Variants in CLASP1 observed in about 807,000 individuals in gnomAD.
CLASP1 encodes the protein cytoplasmic linker associated protein 1, also known as CLIP-associating protein 1.
CLASP1 carries 38 observed loss-of-function variants against 192.3 expected under a neutral mutation model. The ratio of observed to expected loss-of-function variants is 0.20; its 90% confidence interval spans 0.15 to 0.26. CLASP1 has a LOEUF of 0.26. Among genes scored for constraint, CLASP1 ranks in the 10% least tolerant of loss-of-function variants. The pLI is 1.00. For synonymous variants in CLASP1, 691 were observed against 712.8 expected (o/e 0.97, Z 0.49); for missense variants, 1,433 against 1,932.5 (o/e 0.74, Z 4.85).
At chr2:121,450,852 T>C in intron 16 of CLASP1, 61 bp downstream of exon 16, 4 of 1,223,882 alleles carry the variant, frequency 3.3e-6, no homozygotes, top group Non-Finnish European at 4.8e-6. Context: ...AAGGCAATCC[T>C]ATAATTCATG....
At chr2:121,433,316 T>C in intron 19 of CLASP1, among the ~76,000 whole-genome samples, 1 of 146,338 alleles carries the variant, frequency 6.8e-6, no homozygotes, top group South Asian at 2.1e-4. Flanking sequence ...CAAAACCCTG[T>C]CTAAAAAAGA....
chr2:121,582,090 G>T (rs542339072), intron 2 of CLASP1, among the ~76,000 whole-genome samples: 1 of 150,134 alleles, frequency 6.7e-6, no homozygotes, highest in East Asian at 2.0e-4. Flanking sequence ...CTGAACCCAG[G>T]AGATGGAGGT....
intron 34 of CLASP1, among the ~76,000 whole-genome samples, chr2:121,368,445 A>C (rs201655690): frequency 5.8e-4 from 88 of 151,936 alleles, no homozygotes; most frequent in Admixed American, 1.0e-3. Context: ...AGTATTTCCC[A>C]AATTTTTTTT....
intron 13 of CLASP1, 143 bp downstream of exon 13, chr2:121,458,697 G>GAT (rs996668462): frequency 1.6e-5 from 9 of 568,288 alleles, no homozygotes; most frequent in South Asian, 4.1e-5. Flanking sequence ...GGGAAAAGAT[G>GAT]ATATATATAC....
At chr2:121,404,033 T>G (rs1379794881) in intron 26 of CLASP1, among the ~76,000 whole-genome samples, 2 of 152,200 alleles carry the variant, frequency 1.3e-5, no homozygotes, top group Non-Finnish European at 2.9e-5. Context: ...AAAAAATGCA[T>G]GATATTATAA....
At chr2:121,585,938 A>G (rs546792844) in intron 2 of CLASP1, among the ~76,000 whole-genome samples, 50 of 152,096 alleles carry the variant, frequency 3.3e-4, no homozygotes, top group African/African-American at 1.2e-3. Context: ...AAGATACTTA[A>G]GGTTTCTCAA....
chr2:121,413,029 G>A (rs2077984878), intron 23 of CLASP1, among the ~76,000 whole-genome samples: 1 of 152,156 alleles, frequency 6.6e-6, no homozygotes, highest in Admixed American at 6.5e-5. Context: ...AGGCCAAGGT[G>A]GGTAAATCGC....
chr2:121,620,638 A>G (rs1402563622), intron 1 of CLASP1, among the ~76,000 whole-genome samples: 1 of 152,122 alleles, frequency 6.6e-6, no homozygotes, highest in Non-Finnish European at 1.5e-5. Flanking sequence ...ATGAGCCACC[A>G]CGCCCGGCCT....
intron 7 of CLASP1, among the ~76,000 whole-genome samples, chr2:121,511,884 G>C (rs1018137721): frequency 6.6e-6 from 1 of 152,168 alleles, no homozygotes; most frequent in African/African-American, 2.4e-5. Flanking sequence ...TGATGTCTCA[G>C]AGCAATTTAT....
chr2:121,346,526 G>A (rs1418363497), intron 39 of CLASP1, among the ~76,000 whole-genome samples: 1 of 152,260 alleles, frequency 6.6e-6, no homozygotes, highest in Non-Finnish European at 1.5e-5. Flanking sequence ...TCTGCCTCCT[G>A]GAGTCAGGTC....
intron 23 of CLASP1, among the ~76,000 whole-genome samples, chr2:121,418,147 T>C (rs936651608): frequency 1.3e-5 from 2 of 152,248 alleles, no homozygotes; most frequent in African/African-American, 4.8e-5. Flanking sequence ...GACTATTAAC[T>C]CTAAAAAGAA....
intron 37 of CLASP1, among the ~76,000 whole-genome samples, chr2:121,354,468 G>T (rs953193597): frequency 1.3e-5 from 2 of 152,192 alleles, no homozygotes; most frequent in African/African-American, 4.8e-5. Context: ...AGCCAAGCAC[G>T]TGGCTGTGTA....
intron 8 of CLASP1, among the ~76,000 whole-genome samples, chr2:121,476,698 A>C (rs1484187325): frequency 6.6e-6 from 1 of 152,170 alleles, no homozygotes; most frequent in Non-Finnish European, 1.5e-5. Flanking sequence ...AAAGACAACT[A>C]TCTCTCTGCT....
At chr2:121,581,207 C>T (rs555953884) in intron 2 of CLASP1, among the ~76,000 whole-genome samples, 62 of 148,394 alleles carry the variant, frequency 4.2e-4, no homozygotes, top group African/African-American at 1.4e-3. Flanking sequence ...ATCCCAGGAA[C>T]TATAATACAG....
intron 1 of CLASP1, among the ~76,000 whole-genome samples, chr2:121,610,621 C>CAGG (rs2065192557): frequency 1.5e-5 from 1 of 66,054 alleles, no homozygotes; most frequent in Non-Finnish European, 2.6e-5. Context: ...GGAAGAGGAA[C>CAGG]TGGAGGAGGA....
At chr2:121,574,009 G>A (rs1334640768) in intron 2 of CLASP1, among the ~76,000 whole-genome samples, 2 of 152,176 alleles carry the variant, frequency 1.3e-5, no homozygotes, top group Non-Finnish European at 2.9e-5. Flanking sequence ...AGTTAGACAA[G>A]AGGAATAAGT....
chr2:121,427,443 A>T lies in CLASP1; in HGVS notation c.2018-13T>A. The T allele has an allele frequency of 6.2e-7, 1 of 1,612,718 alleles. No individual in the cohort carries two copies. Among genetic ancestry groups the T allele is most frequent in the Non-Finnish European group, 8.5e-7 (1 of 1,179,498 alleles). ...GCAGATCTGGATCCTTGATTATGAG[A>T]GCAGACCAAAGGACAGGCAAAAAGT... On this transcript the variant is annotated splice_polypyrimidine_tract_variant and intron_variant, in intron 20 of 39. Coordinates refer to ENST00000263710, the Ensembl canonical transcript of CLASP1.
chr2:121,396,994 A>G, intron 30 of CLASP1, 146 bp downstream of exon 31: 1 of 682,410 alleles, frequency 1.5e-6, no homozygotes, highest in Non-Finnish European at 2.5e-6. Context: ...AAAACTGGGC[A>G]GAGCTGGAGA....
intron 5 of CLASP1, among the ~76,000 whole-genome samples, chr2:121,526,502 C>A (rs1224176551): frequency 6.6e-6 from 1 of 152,172 alleles, no homozygotes; most frequent in East Asian, 1.9e-4. Context: ...GGTTAATCTG[C>A]CTACTACCTT....
Sources: gnomAD v4.1 joint callset for allele counts (sites outside exome capture counted in the v4.1 genomes callset) on GRCh38, gnomAD v4.1.1 for gene constraint, MANE v1.5 for transcripts, NCBI Gene and HGNC (gene_info 2026-07-23, HGNC 2026-07-21) for gene names.